The following FAM78A variants were observed in gnomAD, a reference collection of about 807,000 sequenced individuals.
The protein encoded by FAM78A is protein FAM78A.
A neutral mutation model predicts 22.6 loss-of-function variants in FAM78A; 12 were observed. The ratio of observed to expected loss-of-function variants is 0.53; its 90% CI spans 0.34 to 0.86. The LOEUF is 0.86. Among genes scored for constraint, FAM78A ranks in the 40% least tolerant of loss-of-function variants. FAM78A has a pLI of 0.02. For missense variants in FAM78A, 322 were observed against 396.1 expected (o/e 0.81, Z 1.59); for synonymous variants, 151 against 155.8 (o/e 0.97, Z 0.23).
intron 1 of FAM78A, among the ~76,000 whole-genome samples, chr9:131,262,233 G>A (rs1009336940): frequency 1.3e-5 from 2 of 151,496 alleles, no homozygotes; most frequent in African/African-American, 4.9e-5. Flanking sequence ...AGGAGGCTGA[G>A]GCAGGAGACA....
intron 1 of FAM78A, among the ~76,000 whole-genome samples, chr9:131,262,511 G>A (rs1306307024): frequency 6.7e-6 from 1 of 150,206 alleles, no homozygotes; most frequent in Non-Finnish European, 1.5e-5. Context: ...ACTGGACGCA[G>A]TGGCTCACAC....
intron 1 of FAM78A, among the ~76,000 whole-genome samples, chr9:131,267,880 C>T (rs899833148): frequency 5.3e-5 from 8 of 152,002 alleles, no homozygotes; most frequent in African/African-American, 1.9e-4. Flanking sequence ...CCCGTCTCTA[C>T]TAAAAATATA....
chr9:131,267,822 G>C (rs1310625812), intron 1 of FAM78A, among the ~76,000 whole-genome samples: 5 of 151,464 alleles, frequency 3.3e-5, no homozygotes, highest in Admixed American at 2.6e-4. Context: ...GAGGCGGGCA[G>C]ATCACAAGGT....
Position 131,260,709 on chromosome 9 carries a change from C to T in FAM78A, c.*113G>A, listed in dbSNP as rs1005296568. ...GGGCATCAGCACAGTGAGATCCGCC[C>T]GCTGGAGAGGGTAGAATGGTTGTAT... is the stretch of plus-strand genomic sequence containing the variant. On this transcript the variant is annotated 3_prime_UTR_variant, in exon 2 of 2. Transcript: ENST00000372271. The surrounding 1 kb of genome is among the most constrained non-coding windows in gnomAD (Gnocchi z 5.4). 2.0e-5 allele frequency: 27 copies of T among 1,360,174 alleles called. No individual in the cohort carries two copies. The highest frequency in any genetic ancestry group is 2.5e-5 in the Non-Finnish European group (26 of 1,020,608). The allele number at this position is 1,360,174 out of a possible 1,614,324, so 84.3% of individuals were successfully genotyped here.
Position 131,260,511 on chromosome 9 carries a change from A to C in FAM78A, c.*311T>G, listed in dbSNP as rs1835249246. On this transcript the variant is annotated 3_prime_UTR_variant, in exon 2 of 2. Transcript: ENST00000372271. This position sits in a 1 kb window ranked among gnomAD's most constrained non-coding sequence, Gnocchi z 5.4. Reference sequence around the variant, plus strand: ...AAAGAGGAGTTTTTTTAAAAAACGGAAAAAGCAGTGTTTCAGGGAATCTGT... The same window carrying C: ...AAAGAGGAGTTTTTTTAAAAAACGGCAAAAGCAGTGTTTCAGGGAATCTGT... The C allele has an allele frequency of 3.8e-6, 1 of 262,406 alleles. No individual in the cohort carries two copies. The highest frequency in any genetic ancestry group is 7.2e-6 in the Non-Finnish European group (1 of 139,788). 16.3% of individuals were successfully genotyped at this position (262,406 alleles called of 1,614,324 possible).
rs560822695 is a variant in FAM78A, at chr9:131,268,000, C to T, written c.324-6650G>A. ...CCGGGAGGCGGAGCTTGCAGTGAGCCGAGATGGCGCCACTGCACTCCAGCC... is the reference window on the plus strand; with the variant it reads ...CCGGGAGGCGGAGCTTGCAGTGAGCTGAGATGGCGCCACTGCACTCCAGCC... On this transcript the variant is annotated intron_variant, in intron 1 of 1. Transcript: ENST00000372271. 2.1e-5 allele frequency among the ~76,000 whole-genome samples: 3 copies of T among 146,104 alleles called. No homozygotes were observed. In the South Asian group the frequency reaches 6.5e-4, roughly 32 times the overall value.
At chr9:131,267,267 G>A (rs1835357057) in intron 1 of FAM78A, among the ~76,000 whole-genome samples, 1 of 152,286 alleles carries the variant, frequency 6.6e-6, no homozygotes, top group African/African-American at 2.4e-5. Context: ...CCTTTTAAAA[G>A]ACTCAACTAT....
chr9:131,267,451 G>C lies in FAM78A; in HGVS notation c.324-6101C>G, dbSNP rs371792611. Among the ~76,000 whole-genome samples, 4 of 152,142 alleles carry C rather than the reference G, an allele frequency of 2.6e-5. No homozygotes were observed. The East Asian group carries it at 7.7e-4, about 29-fold the overall frequency. On this transcript the variant is annotated intron_variant, in intron 1 of 1. Transcript: ENST00000372271. ...AGAAGCTAAGGTGGGAGGATTGCTT[G>C]AGCAATCAGGAGGTCAAGGCTGCAG...
chr9:131,271,196 G>T (rs1434084777), intron 1 of FAM78A, among the ~76,000 whole-genome samples: 1 of 151,762 alleles, frequency 6.6e-6, no homozygotes, highest in East Asian at 1.9e-4. Context: ...TTTTTGTAGG[G>T]ACAAGGTTTC....
chr9:131,273,136 G>A (rs1835440134), intron 1 of FAM78A, among the ~76,000 whole-genome samples: 1 of 152,108 alleles, frequency 6.6e-6, no homozygotes, highest in Non-Finnish European at 1.5e-5. Flanking sequence ...TTACTACCAA[G>A]TACTCGGCAG....
intron 1 of FAM78A, chr9:131,270,355 C>T (rs554249908): frequency 6.3e-5 from 45 of 717,544 alleles, no homozygotes; most frequent in African/African-American, 4.9e-4. Flanking sequence ...ACACTGGGCA[C>T]GACTGATCTT....
Position 131,258,857 on chromosome 9 carries a change from G to A in FAM78A, c.*1965C>T, listed in dbSNP as rs1835222436. 6.6e-6 allele frequency: 1 copy of A among 152,252 alleles called. No homozygotes were observed. Among genetic ancestry groups the A allele is most frequent in the South Asian group, 2.1e-4 (1 of 4,834 alleles). 9.4% of individuals were successfully genotyped at this position (152,252 alleles called of 1,614,324 possible). Reference sequence around the variant, plus strand: ...CAAGAGAACCTGCAGTTTCTGCGGGGAGGTCCTGGCCCCCATCAGGGGCCC... The same window carrying A: ...CAAGAGAACCTGCAGTTTCTGCGGGAAGGTCCTGGCCCCCATCAGGGGCCC... On this transcript the variant is annotated 3_prime_UTR_variant, in exon 2 of 2. Coordinates refer to ENST00000372271, the MANE Select transcript of FAM78A (RefSeq NM_033387.4).
chr9:131,268,317 C>T (rs939966949), intron 1 of FAM78A, among the ~76,000 whole-genome samples: 6 of 151,898 alleles, frequency 4.0e-5, no homozygotes, highest in Admixed American at 6.6e-5. Context: ...TTCCTGACAT[C>T]CCCCCCGCAC....
At chr9:131,262,193 G>A (rs1398533111) in intron 1 of FAM78A, among the ~76,000 whole-genome samples, 1 of 151,772 alleles carries the variant, frequency 6.6e-6, no homozygotes, top group Non-Finnish European at 1.5e-5. Flanking sequence ...AGTCAGGCAT[G>A]GTGACATGCG....
In FAM78A at chr9:131,258,957, A is replaced by G. The variant is rs2131139083; in HGVS notation, c.*1865T>C. ...GCCTCCTGGCACGAGCTGGGCCCGGAGACCGACGGCAGTGGCTAAACGGTC... is the reference window on the plus strand; with the variant it reads ...GCCTCCTGGCACGAGCTGGGCCCGGGGACCGACGGCAGTGGCTAAACGGTC... On this transcript the variant is annotated 3_prime_UTR_variant, in exon 2 of 2. Coordinates refer to ENST00000372271, the MANE Select transcript of FAM78A (RefSeq NM_033387.4). The G allele has an allele frequency of 6.5e-6, 1 of 152,700 alleles. No homozygotes were observed. Among genetic ancestry groups the G allele is most frequent in the Admixed American group, 6.5e-5 (1 of 15,302 alleles). The allele number at this position is 152,700 out of a possible 1,614,324, so 9.5% of individuals were successfully genotyped here. A position where few individuals can be genotyped will look rare whatever the true frequency, so the allele number is the denominator to read the frequency against.
chr9:131,275,989 T>C lies in FAM78A; in HGVS notation c.191A>G (p.Tyr64Cys). 2 of 1,613,616 alleles carry C rather than the reference T, an allele frequency of 1.2e-6. No individual in the cohort carries two copies. Among genetic ancestry groups the C allele is most frequent in the Non-Finnish European group, 1.7e-6 (2 of 1,180,040 alleles). The change falls in exon 1 of 2, where the codon TAC becomes TGC. Residue 64 changes from tyrosine (Y) to cysteine (C), a missense_variant. Transcript: ENST00000372271. The surrounding 1 kb of genome is among the most constrained non-coding windows in gnomAD (Gnocchi z 4.6). ...CGAGGCCCGGAAGTGGGGTGTCCGG[T>C]AGCGGAGCACCACGCTGGAGGACTC... ...IDESSSVVLR[Y>C]RTPHFRASAQ...
rs1159530344 is a variant in FAM78A, at chr9:131,261,168, G to A, written c.506C>T (p.Ala169Val). 14 of 1,614,002 alleles carry A rather than the reference G, an allele frequency of 8.7e-6. No individual in the cohort carries two copies. The Admixed American group carries it at 2.2e-4, about 25-fold the overall frequency. ...NDNFYPSVTW[A>V]VPVSESNVAK... ...CACGTTGCTCTCGCTGACGGGCACG[G>A]CCCATGTGACGCTGGGGTAAAAGTT... is the stretch of plus-strand genomic sequence containing the variant. Residue 169 changes from alanine to valine, a missense_variant, in exon 2 of 2, where the codon GCC (alanine) becomes GTC (valine). Physicochemically the swap from Ala to Val is moderately conservative, Grantham distance 64. Coordinates refer to ENST00000372271, the MANE Select transcript of FAM78A (RefSeq NM_033387.4). The surrounding 1 kb of genome is among the most constrained non-coding windows in gnomAD (Gnocchi z 7.1).
Position 131,258,623 on chromosome 9 carries a change from C to T in FAM78A, c.*2199G>A, listed in dbSNP as rs1427485543. The T allele has an allele frequency of 6.6e-6, 1 of 152,252 alleles. No individual in the cohort carries two copies. The highest frequency in any genetic ancestry group is 1.5e-5 in the Non-Finnish European group (1 of 68,078). 9.4% of individuals were successfully genotyped at this position (152,252 alleles called of 1,614,324 possible). ...TTTCCATTCTGGTCTCCAGCCCCAC[C>T]TCCAGGAATAAACCAGCGGCCTGAG... On this transcript the variant is annotated 3_prime_UTR_variant, in exon 2 of 2. Transcript: ENST00000372271.
chr9:131,278,730 C>T (rs1185256673), upstream of FAM78A, among the ~76,000 whole-genome samples: 2 of 152,232 alleles, frequency 1.3e-5, no homozygotes, highest in African/African-American at 2.4e-5. Flanking sequence ...GAACCCCACC[C>T]CTACCTTCCA....
Sources: allele counts gnomAD v4.1 joint callset (sites outside exome capture counted in the v4.1 genomes callset), GRCh38; gene constraint gnomAD v4.1.1; non-coding constraint Gnocchi (gnomAD v3.1); transcripts MANE v1.5; gene names NCBI Gene and HGNC (gene_info 2026-07-23, HGNC 2026-07-21).